The following ATG5 variants were observed in gnomAD, a reference collection of about 807,000 sequenced individuals.
ATG5 encodes autophagy related 5, also known as autophagy protein 5.
In ATG5, 14 loss-of-function variants were observed where a neutral mutation model predicts 36.5. The observed-to-expected ratio is 0.38, with a 90% confidence interval of 0.25 to 0.60. The LOEUF (loss-of-function observed/expected upper bound fraction) is 0.60, where lower values mean the gene tolerates loss of function less well. ATG5 is among the 20% of genes least tolerant of loss of function. The pLI is 0.60. For missense variants in ATG5, 195 were observed against 326.7 expected (o/e 0.60, Z 3.11); for synonymous variants, 95 against 101.5 (o/e 0.94, Z 0.38).
intron 3 of ATG5, among the ~76,000 whole-genome samples, chr6:106,305,280 T>G (rs1770399608): frequency 6.6e-6 from 1 of 152,168 alleles, no homozygotes; most frequent in Admixed American, 6.5e-5. Flanking sequence ...AACTTTACTA[T>G]ATGTACTATT....
chr6:106,255,157 G>C (rs1246811013), intron 5 of ATG5, among the ~76,000 whole-genome samples: 1 of 152,148 alleles, frequency 6.6e-6, no homozygotes, highest in Non-Finnish European at 1.5e-5. Flanking sequence ...GAACATCTGG[G>C]CCAACATCTG....
chr6:106,255,385 A>T (rs1778761424), intron 5 of ATG5, among the ~76,000 whole-genome samples: 1 of 152,250 alleles, frequency 6.6e-6, no homozygotes, highest in Non-Finnish European at 1.5e-5. Context: ...AAATGGAGTC[A>T]GTAAAAACTA....
intron 3 of ATG5, among the ~76,000 whole-genome samples, chr6:106,295,907 A>G (rs1053329399): frequency 2.0e-5 from 3 of 152,214 alleles, no homozygotes; most frequent in African/African-American, 7.2e-5. Context: ...ATACAAGTTA[A>G]ACATAAGACT....
intron 4 of ATG5, among the ~76,000 whole-genome samples, chr6:106,290,418 T>C (rs1251365074): frequency 6.6e-6 from 1 of 152,020 alleles, no homozygotes; most frequent in African/African-American, 2.4e-5. Flanking sequence ...ATTCCTGGGC[T>C]AAAGCGATCC....
chr6:106,190,278 T>C (rs1775922140), intron 7 of ATG5, among the ~76,000 whole-genome samples: 1 of 152,184 alleles, frequency 6.6e-6, no homozygotes, highest in Non-Finnish European at 1.5e-5. Context: ...TATGAGCTTC[T>C]TGCTGTGTTC....
chr6:106,248,356 C>A (rs1778432643), intron 5 of ATG5, 112 bp from the exon 6 acceptor site: 1 of 618,128 alleles, frequency 1.6e-6, no homozygotes, highest in Non-Finnish European at 2.7e-6. Context: ...GAAAGGACAT[C>A]ACATATATTT....
chr6:106,311,141 A>G (rs1770629456), intron 2 of ATG5, among the ~76,000 whole-genome samples: 1 of 152,226 alleles, frequency 6.6e-6, no homozygotes, highest in African/African-American at 2.4e-5. Flanking sequence ...TAGGACAAAA[A>G]TAGAAGTAAA....
intron 7 of ATG5, among the ~76,000 whole-genome samples, chr6:106,194,448 T>C (rs775371511): frequency 6.6e-6 from 1 of 152,210 alleles, no homozygotes; most frequent in Non-Finnish European, 1.5e-5. Context: ...AAAAAATTTA[T>C]CTTGTCAACT....
chr6:106,269,498 G>T (rs955159509), intron 5 of ATG5, among the ~76,000 whole-genome samples: 4 of 152,232 alleles, frequency 2.6e-5, no homozygotes, highest in African/African-American at 9.6e-5. Context: ...GGAGCCCATG[G>T]AAGGGGTGGG....
rs564112955 is a variant in ATG5, at chr6:106,235,517, G to A, written c.573+12633C>T. On this transcript the variant is annotated intron_variant, in intron 6 of 7. Coordinates refer to ENST00000369076, the MANE Select transcript of ATG5 (RefSeq NM_004849.4). ...CAGGATTAGCTGGATTTCCTAGGCC[G>A]ACTAAGAATCCCAAAGCCTAGCTGG... is the stretch of plus-strand genomic sequence containing the variant. Among the ~76,000 whole-genome samples, 16 of 152,212 alleles carry A rather than the reference G, an allele frequency of 1.1e-4. No homozygotes were observed. The South Asian group carries it at 1.2e-3, about 12-fold the overall frequency.
At chr6:106,315,285 C>T (rs1770797528) in intron 2 of ATG5, among the ~76,000 whole-genome samples, 1 of 152,116 alleles carries the variant, frequency 6.6e-6, no homozygotes, top group Admixed American at 6.5e-5. Context: ...TACTTTTCCA[C>T]ATCATCTCCA....
intron 7 of ATG5, among the ~76,000 whole-genome samples, chr6:106,199,730 G>T (rs1325348056): frequency 6.6e-6 from 1 of 152,142 alleles, no homozygotes; most frequent in African/African-American, 2.4e-5. Context: ...GATGGATTAG[G>T]AGTCTAAGAT....
intron 5 of ATG5, among the ~76,000 whole-genome samples, chr6:106,259,119 T>C (rs1778914179): frequency 3.3e-5 from 5 of 152,142 alleles, no homozygotes; most frequent in Admixed American, 3.3e-4. Context: ...TCAAGAAGTA[T>C]TTTCCTCAAA....
At chr6:106,315,609 G>A (rs193133305) in intron 2 of ATG5, among the ~76,000 whole-genome samples, 4 of 151,202 alleles carry the variant, frequency 2.6e-5, no homozygotes, top group South Asian at 2.1e-4. Flanking sequence ...TGAACGTATC[G>A]TGTGTGTGTA....
chr6:106,224,645 G>A (rs1401951617), intron 6 of ATG5, among the ~76,000 whole-genome samples: 1 of 152,172 alleles, frequency 6.6e-6, no homozygotes, highest in Non-Finnish European at 1.5e-5. Flanking sequence ...GGAGGCCTGG[G>A]TGGGCGGATC....
intron 5 of ATG5, among the ~76,000 whole-genome samples, chr6:106,266,627 G>C (rs1268160174): frequency 6.6e-6 from 1 of 152,176 alleles, no homozygotes; most frequent in Non-Finnish European, 1.5e-5. Flanking sequence ...ACCGAATCCA[G>C]CAGCACATCA....
At chr6:106,302,515 A>T (rs1296313411) in intron 3 of ATG5, among the ~76,000 whole-genome samples, 1 of 152,110 alleles carries the variant, frequency 6.6e-6, no homozygotes, top group Non-Finnish European at 1.5e-5. Flanking sequence ...AAGACAAATT[A>T]AGAGGCCACT....
chr6:106,308,206 A>G (rs561828571), intron 3 of ATG5, among the ~76,000 whole-genome samples, 158 bp downstream of exon 3: 2 of 152,314 alleles, frequency 1.3e-5, no homozygotes, highest in African/African-American at 2.4e-5. Context: ...AATATTTTCA[A>G]TAACGTATTC....
At chr6:106,309,755 T>C (rs9399980) in intron 2 of ATG5, among the ~76,000 whole-genome samples, 8,249 of 152,178 alleles carry the variant, frequency 0.054, 324 homozygotes, top group South Asian at 0.14. Context: ...AAAGTCTCTT[T>C]AAAAAAGCAA....
Sources: allele counts gnomAD v4.1 joint callset (sites outside exome capture counted in the v4.1 genomes callset), GRCh38; gene constraint gnomAD v4.1.1; transcripts MANE v1.5; gene names NCBI Gene and HGNC (gene_info 2026-07-23, HGNC 2026-07-21).